Variants in NAV2 observed in about 807,000 individuals in gnomAD.
The protein encoded by NAV2 is neuron navigator 2, also known as helicase, APC down-regulated 1.
In NAV2, 54 loss-of-function variants were observed where a neutral mutation model predicts 223.2. The ratio of observed to expected loss-of-function variants is 0.24; its 90% CI spans 0.19 to 0.30. NAV2 has a LOEUF of 0.30. Ranked by LOEUF, NAV2 falls within the 10% of genes least tolerant of loss-of-function variation. The pLI, the probability that NAV2 is intolerant of heterozygous loss-of-function variation, is 1.00. For synonymous variants in NAV2, 1,279 were observed against 1,239.3 expected (o/e 1.03, Z -0.67); for missense variants, 2,806 against 3,147.5 (o/e 0.89, Z 2.60).
chr11:19,848,620 T>C (rs2060939455), intron 3 of NAV2, among the ~76,000 whole-genome samples: 2 of 152,196 alleles, frequency 1.3e-5, no homozygotes, highest in African/African-American at 4.8e-5. Context: ...TAACAGTATT[T>C]GCCTCATGGG....
intron 9 of NAV2, among the ~76,000 whole-genome samples, chr11:19,947,078 G>T (rs74781979): frequency 0.019 from 2,896 of 152,292 alleles, 74 homozygotes; most frequent in African/African-American, 0.065. Flanking sequence ...TTTGTGATTT[G>T]GGCAGGAGGA....
At chr11:19,823,580 A>G (rs188984542) in intron 1 of NAV2, among the ~76,000 whole-genome samples, 2 of 152,298 alleles carry the variant, frequency 1.3e-5, no homozygotes, top group African/African-American at 2.4e-5. Flanking sequence ...GGCTCAAGCA[A>G]TCTGACTGCT....
chr11:19,433,254 C>T (rs1851098525), intron 1 of NAV2, among the ~76,000 whole-genome samples: 1 of 152,144 alleles, frequency 6.6e-6, no homozygotes, highest in African/African-American at 2.4e-5. Flanking sequence ...AGCTTTCTAA[C>T]TGGAAGTACT....
At chr11:19,878,597 G>A (rs536544993) in intron 4 of NAV2, among the ~76,000 whole-genome samples, 2 of 152,288 alleles carry the variant, frequency 1.3e-5, no homozygotes, top group African/African-American at 4.8e-5. Context: ...TCCCAAAGTA[G>A]GGTGTGAAGG....
At chr11:19,809,521 T>G (rs2058747809) in intron 1 of NAV2, among the ~76,000 whole-genome samples, 1 of 152,262 alleles carries the variant, frequency 6.6e-6, no homozygotes, top group South Asian at 2.1e-4. Flanking sequence ...TATTAACAAC[T>G]AATATTCACA....
chr11:19,377,532 C>T (rs764724397), intron 1 of NAV2, among the ~76,000 whole-genome samples: 3 of 152,146 alleles, frequency 2.0e-5, no homozygotes, highest in Admixed American at 6.5e-5. Flanking sequence ...GCCATAGGCT[C>T]CTTGGGGGAG....
chr11:19,919,873 C>A (rs2044128726), intron 6 of NAV2, among the ~76,000 whole-genome samples: 1 of 152,158 alleles, frequency 6.6e-6, no homozygotes, highest in South Asian at 2.1e-4. Context: ...GTGGCTCACG[C>A]CTGTAATCCC....
intron 9 of NAV2, among the ~76,000 whole-genome samples, chr11:19,947,882 G>T (rs1032183890): frequency 1.3e-5 from 2 of 152,140 alleles, no homozygotes; most frequent in African/African-American, 2.4e-5. Context: ...TTAGAACTGT[G>T]TCCACTGCTC....
At chr11:19,504,232 T>A (rs1442068892) in intron 1 of NAV2, 1 of 152,178 alleles carries the variant, frequency 6.6e-6, no homozygotes, top group Non-Finnish European at 1.5e-5. Context: ...AAATGAAATA[T>A]CCACTCGGGA....
At chr11:19,972,635 C>T (rs2049345435) in intron 10 of NAV2, among the ~76,000 whole-genome samples, 2 of 152,188 alleles carry the variant, frequency 1.3e-5, no homozygotes, top group Non-Finnish European at 2.9e-5. Context: ...TCTCCCTCCC[C>T]CAAGCCAATA....
intron 26 of NAV2, 74 bp from the exon 27 acceptor site, chr11:20,090,791 T>G: frequency 6.7e-7 from 1 of 1,495,302 alleles, no homozygotes; most frequent in Non-Finnish European, 9.1e-7. Context: ...ACAAACCTGA[T>G]GATTGATGTG....
At chr11:20,092,900 C>T (rs2060952682) in intron 28 of NAV2, among the ~76,000 whole-genome samples, 199 bp from the exon 29 acceptor site, 1 of 152,174 alleles carries the variant, frequency 6.6e-6, no homozygotes, top group African/African-American at 2.4e-5. Flanking sequence ...CATTGTCAGC[C>T]TACTGGTTCT....
At chr11:20,058,329 C>T (rs1363408757) in intron 19 of NAV2, among the ~76,000 whole-genome samples, 1 of 152,166 alleles carries the variant, frequency 6.6e-6, no homozygotes, top group African/African-American at 2.4e-5. Context: ...TAGCTCTTTC[C>T]ACTTTGAAGG....
intron 11 of NAV2, among the ~76,000 whole-genome samples, chr11:20,005,524 G>A (rs148398211): frequency 0.043 from 6,504 of 150,250 alleles, 266 homozygotes; most frequent in Admixed American, 0.077. Flanking sequence ...GGGATTATAG[G>A]CTTGAGCCAC....
Position 20,092,203 on chromosome 11 carries a change from C to T in NAV2, c.5653-3C>T. The T allele has an allele frequency of 6.2e-7, 1 of 1,613,616 alleles. No homozygotes were observed. Among genetic ancestry groups the T allele is most frequent in the Non-Finnish European group, 8.5e-7 (1 of 1,179,542 alleles). On this transcript the variant is annotated splice_region_variant and splice_polypyrimidine_tract_variant and intron_variant, in intron 27 of 37. Transcript: ENST00000349880. Reference sequence around the variant, plus strand: ...AAGGGAGCTTCTCCATTACTCTTTGCAGAGTGAAATAGAGAAGCTGAAAGC... The same window carrying T: ...AAGGGAGCTTCTCCATTACTCTTTGTAGAGTGAAATAGAGAAGCTGAAAGC...
chr11:19,595,549 A>G (rs986909107), intron 1 of NAV2, among the ~76,000 whole-genome samples: 1 of 152,102 alleles, frequency 6.6e-6, no homozygotes, highest in Non-Finnish European at 1.5e-5. Flanking sequence ...CAGAGCCTGC[A>G]TTCTTTTTTT....
rs946647670 is a variant in NAV2 at position 20,101,136 on chromosome 11, T to C, written c.6381T>C (p.Val2127=). 24 of 1,613,968 alleles carry C rather than the reference T, an allele frequency of 1.5e-5. No individual in the cohort carries two copies. The highest frequency in any genetic ancestry group is 4.0e-5 in the African/African-American group (3 of 74,912). ...AGGGACGGGAGTTGACAGACGGGGT[T>C]ATCGCCACCTTTAACGTGGACCATA... ...LREGRELTDG[V]IATFNVDHKS... Residue 2127 remains valine (V), a synonymous_variant, in exon 32 of 38, where the codon GTT becomes GTC. Coordinates refer to ENST00000349880, the MANE Select transcript of NAV2 (RefSeq NM_145117.5).
chr11:19,382,694 GT>G (rs1236600413), intron 1 of NAV2, among the ~76,000 whole-genome samples: 4 of 152,206 alleles, frequency 2.6e-5, no homozygotes, highest in Admixed American at 2.6e-4. Context: ...GTCAGACATT[GT>G]TCTAAGTGCT....
intron 1 of NAV2, among the ~76,000 whole-genome samples, chr11:19,430,073 G>T (rs1013839696): frequency 1.6e-4 from 25 of 152,174 alleles, no homozygotes; most frequent in African/African-American, 6.0e-4. Flanking sequence ...AGGGAGCAAT[G>T]GTGGGCATGA....
Sources: gnomAD v4.1 joint callset for allele counts (sites outside exome capture counted in the v4.1 genomes callset) on GRCh38, gnomAD v4.1.1 for gene constraint, MANE v1.5 for transcripts, NCBI Gene and HGNC (gene_info 2026-07-23, HGNC 2026-07-21) for gene names.